WDR27: variants seen among roughly 807,000 people sequenced by gnomAD.
WDR27 encodes WD repeat domain 27.
A neutral mutation model predicts 114.4 loss-of-function variants in WDR27; 100 were observed. The ratio of observed to expected loss-of-function variants is 0.87; its 90% confidence interval spans 0.74 to 1.03. The LOEUF (loss-of-function observed/expected upper bound fraction) is 1.03, where lower values mean the gene tolerates loss of function less well. Ranked by LOEUF, WDR27 falls within the 50% of genes least tolerant of loss-of-function variation. The pLI is 0.00. For synonymous variants in WDR27, 449 were observed against 423.1 expected, an observed-to-expected ratio of 1.06 and a Z score of -0.75; for missense variants, 1,129 against 1,092.9, an observed-to-expected ratio of 1.03 and a Z score of -0.47.
At chr6:169,562,638 C>A (rs572184784) in intron 25 of WDR27, among the ~76,000 whole-genome samples, 3 of 152,072 alleles carry the variant, frequency 2.0e-5, no homozygotes, top group Admixed American at 6.5e-5. Flanking sequence ...TGCGTGAGTG[C>A]CCCGGGCACA....
At chr6:169,564,423 T>C (rs1184469996) in intron 25 of WDR27, among the ~76,000 whole-genome samples, 2 of 152,156 alleles carry the variant, frequency 1.3e-5, no homozygotes, top group Non-Finnish European at 2.9e-5. Context: ...ATACTTTGCG[T>C]CCTTCAATCC....
intron 24 of WDR27, among the ~76,000 whole-genome samples, chr6:169,574,857 G>A (rs1380959132): frequency 6.6e-6 from 1 of 152,196 alleles, no homozygotes; most frequent in Non-Finnish European, 1.5e-5. Flanking sequence ...ATTCAGATCA[G>A]GGAAGTCACT....
intron 25 of WDR27, among the ~76,000 whole-genome samples, chr6:169,538,703 T>TACAC (rs10644528): frequency 0.078 from 11,288 of 143,820 alleles, 601 homozygotes; most frequent in South Asian, 0.25. Context: ...CATACTGGAA[T>TACAC]ACACACACAC....
At chr6:169,458,177 G>A (rs534426071) in intron 25 of WDR27, among the ~76,000 whole-genome samples, 1 of 152,222 alleles carries the variant, frequency 6.6e-6, no homozygotes, top group South Asian at 2.1e-4. Context: ...TCAGATTCTG[G>A]CACATTAGCA....
chr6:169,504,617 AT>A (rs911384931), intron 25 of WDR27, among the ~76,000 whole-genome samples: 18 of 151,746 alleles, frequency 1.2e-4, no homozygotes, highest in South Asian at 4.2e-4. Context: ...TTAAAAAAAG[AT>A]TTTTTTTTGA....
intron 4 of WDR27, 45 bp downstream of exon 4, chr6:169,670,524 A>G (rs373570779): frequency 5.6e-6 from 9 of 1,610,874 alleles, no homozygotes; most frequent in Non-Finnish European, 7.6e-6. Flanking sequence ...GGGAGGCCCC[A>G]TCAGCTAAAC....
At chr6:169,585,998 G>A (rs1485629634) in intron 23 of WDR27, among the ~76,000 whole-genome samples, 2 of 152,176 alleles carry the variant, frequency 1.3e-5, no homozygotes, top group Non-Finnish European at 2.9e-5. Context: ...TATCATAGAA[G>A]GATCCGTGTC....
intron 25 of WDR27, among the ~76,000 whole-genome samples, chr6:169,562,622 C>T (rs149408638): frequency 2.8e-4 from 42 of 152,172 alleles, no homozygotes; most frequent in African/African-American, 8.4e-4. Flanking sequence ...CCACTCTGTG[C>T]CAGGCTGCGT....
At chr6:169,691,951 T>C (rs1311934118) in intron 1 of WDR27, among the ~76,000 whole-genome samples, 2 of 152,112 alleles carry the variant, frequency 1.3e-5, no homozygotes, top group Non-Finnish European at 2.9e-5. Context: ...ACTGCAGGAA[T>C]GTACCAAAAA....
At chr6:169,570,702 A>G (rs1489408745) in intron 25 of WDR27, among the ~76,000 whole-genome samples, 1 of 152,158 alleles carries the variant, frequency 6.6e-6, no homozygotes, top group Non-Finnish European at 1.5e-5. Context: ...GGTGGCGGGC[A>G]CCTGTAATCC....
intron 25 of WDR27, among the ~76,000 whole-genome samples, chr6:169,561,456 G>A (rs1185805594): frequency 6.6e-6 from 1 of 152,140 alleles, no homozygotes; most frequent in African/African-American, 2.4e-5. Context: ...AGGAGAAATG[G>A]AAGTTTGCTA....
intron 25 of WDR27, among the ~76,000 whole-genome samples, chr6:169,491,166 A>AT (rs954187854): frequency 1.4e-4 from 21 of 152,328 alleles, no homozygotes; most frequent in African/African-American, 5.1e-4. Flanking sequence ...TGGAAAATGA[A>AT]TGAGATCAGC....
At chr6:169,453,718 G>C (rs1784242810), downstream of WDR27, among the ~76,000 whole-genome samples, 1 of 152,152 alleles carries the variant, frequency 6.6e-6, no homozygotes, top group African/African-American at 2.4e-5. Context: ...GCATTAAATT[G>C]TATCATTTCT....
the WDR27 span, among the ~76,000 whole-genome samples, chr6:169,449,224 T>C: frequency 3.8e-4 from 58 of 152,300 alleles, no homozygotes; most frequent in South Asian, 0.011. Flanking sequence ...ACATTCTGAA[T>C]GGCATTAACT....
intron 16 of WDR27, among the ~76,000 whole-genome samples, chr6:169,645,417 GA>G: frequency 6.6e-6 from 1 of 150,938 alleles, no homozygotes; most frequent in East Asian, 2.0e-4. Context: ...TAGTTCACAG[GA>G]GTCACACTAC....
At chr6:169,552,270 T>C (rs960428853) in intron 25 of WDR27, among the ~76,000 whole-genome samples, 1 of 152,050 alleles carries the variant, frequency 6.6e-6, no homozygotes, top group Non-Finnish European at 1.5e-5. Context: ...CGTTTAGCCA[T>C]AGAACCCGTG....
At chr6:169,678,954 C>G (rs986808669) in intron 2 of WDR27, among the ~76,000 whole-genome samples, 1 of 152,160 alleles carries the variant, frequency 6.6e-6, no homozygotes, top group African/African-American at 2.4e-5. Flanking sequence ...ACAACCTGCT[C>G]TCTCTGAAGT....
At chr6:169,446,365 G>A in the WDR27 span, among the ~76,000 whole-genome samples, 9 of 151,926 alleles carry the variant, frequency 5.9e-5, no homozygotes, top group African/African-American at 1.9e-4. Context: ...CAGGGAAGGT[G>A]GGCAGGGGCC....
intron 7 of WDR27, chr6:169,665,116 CAGGAGCCGTCCA>C (rs1187543253): frequency 4.0e-6 from 4 of 995,132 alleles, no homozygotes; most frequent in Non-Finnish European, 4.8e-6. Flanking sequence ...GGATGCCACA[CAGGAGCCGTCCA>C]GGGCGCCTCT....
Sources: allele counts gnomAD v4.1 joint callset (sites outside exome capture counted in the v4.1 genomes callset), GRCh38; gene constraint gnomAD v4.1.1; transcripts MANE v1.5; gene names NCBI Gene and HGNC (gene_info 2026-07-23, HGNC 2026-07-21).